PTPRG: variants seen among roughly 807,000 people sequenced by gnomAD.
PTPRG encodes protein tyrosine phosphatase receptor type G.
Under a neutral mutation model 165.3 loss-of-function variants are expected in PTPRG, and 102 were observed. That is an observed-to-expected ratio of 0.62 (90% CI 0.53 to 0.73). PTPRG has a LOEUF of 0.73. PTPRG is among the 30% of genes least tolerant of loss of function. PTPRG has a pLI of 0.00. For missense variants in PTPRG, 1,866 were observed against 1,861.4 expected (o/e 1.00, Z -0.05); for synonymous variants, 675 against 669.5 (o/e 1.01, Z -0.13).
In PTPRG at chr3:62,269,019, T is replaced by A. The variant is rs1478317993; in HGVS notation, c.2875-16T>A. 1 of 1,537,342 alleles carries A rather than the reference T, an allele frequency of 6.5e-7. No homozygotes were observed. Among genetic ancestry groups the A allele is most frequent in the Non-Finnish European group, 8.8e-7 (1 of 1,132,056 alleles). Reference sequence around the variant, plus strand: ...ATAGATTGCAGTTATACTTTACAACTTTTTTCTTTCTGCAGCGAAAATGTG... The same window carrying A: ...ATAGATTGCAGTTATACTTTACAACATTTTTCTTTCTGCAGCGAAAATGTG... On this transcript the variant is annotated splice_polypyrimidine_tract_variant and intron_variant, in intron 19 of 29. Transcript: ENST00000474889.
intron 12 of PTPRG, among the ~76,000 whole-genome samples, chr3:62,205,166 G>A (rs917093544): frequency 6.6e-6 from 1 of 152,056 alleles, no homozygotes; most frequent in Admixed American, 6.6e-5. Context: ...ATTTTTTGAA[G>A]TGGGGGTCTC....
At chr3:61,681,874 G>A (rs1703453444) in intron 1 of PTPRG, among the ~76,000 whole-genome samples, 1 of 152,126 alleles carries the variant, frequency 6.6e-6, no homozygotes, top group Non-Finnish European at 1.5e-5. Context: ...TAGTGGCCGG[G>A]CGCAGTGGCT....
intron 4 of PTPRG, among the ~76,000 whole-genome samples, chr3:62,037,422 C>T (rs1278491913): frequency 6.6e-6 from 1 of 152,142 alleles, no homozygotes; most frequent in South Asian, 2.1e-4. Flanking sequence ...TAGCAGCATC[C>T]CGGACCTCTA....
intron 1 of PTPRG, among the ~76,000 whole-genome samples, chr3:61,586,152 T>C (rs1405080748): frequency 6.6e-6 from 1 of 152,246 alleles, no homozygotes; most frequent in Non-Finnish European, 1.5e-5. Context: ...TTTAATTGCT[T>C]TCATTGGGTG....
intron 1 of PTPRG, among the ~76,000 whole-genome samples, chr3:61,575,554 G>A (rs549720834): frequency 2.6e-4 from 40 of 151,124 alleles, no homozygotes; most frequent in African/African-American, 9.7e-4. Flanking sequence ...AATATTAAAT[G>A]AGATGTGTGT....
At chr3:61,921,462 A>G (rs1290601253) in intron 2 of PTPRG, among the ~76,000 whole-genome samples, 3 of 152,170 alleles carry the variant, frequency 2.0e-5, no homozygotes, top group African/African-American at 4.8e-5. Flanking sequence ...GCTCCAAAAA[A>G]CACTTCAAAA....
At chr3:61,691,823 G>A (rs1416168935) in intron 1 of PTPRG, among the ~76,000 whole-genome samples, 2 of 152,018 alleles carry the variant, frequency 1.3e-5, no homozygotes. Flanking sequence ...AAGCATATGG[G>A]GCTTTCCTAA....
At chr3:62,193,862 TTGA>T (rs1559631322) in intron 9 of PTPRG, among the ~76,000 whole-genome samples, 7 of 152,236 alleles carry the variant, frequency 4.6e-5, no homozygotes, top group Non-Finnish European at 1.5e-5. Flanking sequence ...AACACATGCT[TTGA>T]TGATAAGACA....
intron 2 of PTPRG, among the ~76,000 whole-genome samples, chr3:61,954,703 G>A (rs915680800): frequency 6.6e-6 from 1 of 152,126 alleles, no homozygotes; most frequent in Non-Finnish European, 1.5e-5. Context: ...TTGCAAAACC[G>A]CATACTACAT....
intron 3 of PTPRG, among the ~76,000 whole-genome samples, chr3:61,994,716 C>G (rs1301951286): frequency 6.6e-6 from 1 of 152,150 alleles, no homozygotes; most frequent in Non-Finnish European, 1.5e-5. Flanking sequence ...AATGAACAAA[C>G]TAATTGCAAG....
chr3:61,818,874 G>GAATAGTGAAATAGTGAATAGTGA (rs1244845661), intron 2 of PTPRG, among the ~76,000 whole-genome samples: 1 of 90,606 alleles, frequency 1.1e-5, no homozygotes, highest in African/African-American at 5.7e-5. Context: ...GTGAAATAGT[G>GAATAGTGAAATAGTGAATAGTGA]AATAGTGAAA....
chr3:62,190,920 A>C lies in PTPRG; in HGVS notation c.1034-549A>C, dbSNP rs115354274. On this transcript the variant is annotated intron_variant, in intron 8 of 29. Coordinates refer to ENST00000474889, the MANE Select transcript of PTPRG (RefSeq NM_002841.4). This position sits in a 1 kb window ranked among gnomAD's most constrained non-coding sequence, Gnocchi z 5.2. ...AGATAATAGTATTGAATTCATGTTT[A>C]GTTTCTTTCATGTGAAACTGGTATT... is the stretch of plus-strand genomic sequence containing the variant. Among the ~76,000 whole-genome samples, 1,019 of 152,358 alleles carry C rather than the reference A, an allele frequency of 6.7e-3. 13 individuals are homozygous for C. Among genetic ancestry groups the C allele is most frequent in the African/African-American group, 0.024 (985 of 41,588 alleles).
chr3:61,910,288 G>A (rs903060846), intron 2 of PTPRG, among the ~76,000 whole-genome samples: 3 of 152,116 alleles, frequency 2.0e-5, no homozygotes, highest in South Asian at 2.1e-4. Flanking sequence ...GTTTGTTGCC[G>A]AATGTCACCA....
chr3:61,944,912 A>G lies in PTPRG; in HGVS notation c.191-44713A>G, dbSNP rs1352072191. On this transcript the variant is annotated intron_variant, in intron 2 of 29. Transcript: ENST00000474889. The stretch of plus-strand genomic sequence containing the variant: ...CACCTGGACTGAAATTCCCCGTGGC[A>G]TTAGAGGTGTTTCGTAAGGTGCTCC... Among the ~76,000 whole-genome samples, 5 of 152,160 alleles carry G rather than the reference A, an allele frequency of 3.3e-5. No homozygotes were observed. In the South Asian group the frequency reaches 1.0e-3, roughly 31 times the overall value.
intron 1 of PTPRG, among the ~76,000 whole-genome samples, chr3:61,641,224 C>A (rs921145932): frequency 6.6e-6 from 1 of 152,112 alleles, no homozygotes; most frequent in Non-Finnish European, 1.5e-5. Flanking sequence ...AGATTTCCTC[C>A]CCCTCCCTCC....
chr3:61,694,021 A>C (rs984040768), intron 1 of PTPRG, among the ~76,000 whole-genome samples: 1 of 148,340 alleles, frequency 6.7e-6, no homozygotes, highest in African/African-American at 2.5e-5. Context: ...AAAAAAAAAA[A>C]AAAAAGAGAG....
At chr3:61,881,090 A>G (rs550428267) in intron 2 of PTPRG, among the ~76,000 whole-genome samples, 1 of 152,150 alleles carries the variant, frequency 6.6e-6, no homozygotes, top group Non-Finnish European at 1.5e-5. Flanking sequence ...TCCAGATATA[A>G]AAATGTTTAA....
At chr3:62,220,022 C>G (rs1700612601) in intron 13 of PTPRG, among the ~76,000 whole-genome samples, 1 of 152,162 alleles carries the variant, frequency 6.6e-6, no homozygotes, top group Non-Finnish European at 1.5e-5. Context: ...GAGCAAAGAC[C>G]TAAAGGAGGA....
intron 2 of PTPRG, among the ~76,000 whole-genome samples, chr3:61,895,973 TA>T (rs2038345374): frequency 6.6e-6 from 1 of 152,194 alleles, no homozygotes; most frequent in Non-Finnish European, 1.5e-5. Context: ...AGCATTCTGG[TA>T]AAACTATGGT....
Sources: allele counts gnomAD v4.1 joint callset (sites outside exome capture counted in the v4.1 genomes callset), GRCh38; gene constraint gnomAD v4.1.1; non-coding constraint Gnocchi (gnomAD v3.1); transcripts MANE v1.5; gene names NCBI Gene and HGNC (gene_info 2026-07-23, HGNC 2026-07-21).